The following NCALD variants were observed in gnomAD, a reference collection of about 807,000 sequenced individuals.
The protein encoded by NCALD is neurocalcin delta.
In NCALD, 10 loss-of-function variants were observed where a neutral mutation model predicts 18.6. That is an observed-to-expected ratio of 0.54 (90% CI 0.33 to 0.91). The LOEUF (loss-of-function observed/expected upper bound fraction) is 0.91, where lower values mean the gene tolerates loss of function less well. Ranked by LOEUF, NCALD falls within the 40% of genes least tolerant of loss-of-function variation. The probability of loss-of-function intolerance (pLI) is 0.03; values close to 1 mark genes in which losing one functional copy is unlikely to be tolerated. For synonymous variants in NCALD, 88 were observed against 87.4 expected, an observed-to-expected ratio of 1.01 and a Z score of -0.04; for missense variants, 184 against 247.6, an observed-to-expected ratio of 0.74 and a Z score of 1.72.
At chr8:101,831,633 T>C (rs1256567078) in intron 4 of NCALD, among the ~76,000 whole-genome samples, 1 of 152,146 alleles carries the variant, frequency 6.6e-6, no homozygotes, top group African/African-American at 2.4e-5. Context: ...CTCTTAACCT[T>C]TCCCATGTAC....
chr8:101,890,755 G>T (rs753723103), intron 3 of NCALD, among the ~76,000 whole-genome samples: 1 of 152,162 alleles, frequency 6.6e-6, no homozygotes, highest in African/African-American at 2.4e-5. Context: ...ATTTCTATTA[G>T]TTATAAATTA....
At chr8:102,005,921 C>T (rs1821689404) in intron 2 of NCALD, among the ~76,000 whole-genome samples, 1 of 151,470 alleles carries the variant, frequency 6.6e-6, no homozygotes, top group Non-Finnish European at 1.5e-5. Context: ...AGGAGATATA[C>T]CTAATGTAAA....
chr8:101,990,776 GA>G (rs1727379428), intron 2 of NCALD, among the ~76,000 whole-genome samples: 1 of 152,078 alleles, frequency 6.6e-6, no homozygotes, highest in African/African-American at 2.4e-5. Flanking sequence ...CATAAAAATG[GA>G]CTAATACAAC....
chr8:102,010,349 C>T (rs1586918896), intron 2 of NCALD, among the ~76,000 whole-genome samples: 2 of 152,296 alleles, frequency 1.3e-5, no homozygotes, highest in African/African-American at 4.8e-5. Context: ...ATAGTTGCTA[C>T]CCCCAACAGG....
chr8:101,882,391 T>A (rs1464443270), intron 4 of NCALD, among the ~76,000 whole-genome samples: 1 of 152,092 alleles, frequency 6.6e-6, no homozygotes, highest in Non-Finnish European at 1.5e-5. Context: ...TCTTTTCCCC[T>A]TCCACCATAG....
At chr8:101,863,178 T>A (rs1815616590) in intron 4 of NCALD, among the ~76,000 whole-genome samples, 1 of 152,084 alleles carries the variant, frequency 6.6e-6, no homozygotes, top group African/African-American at 2.4e-5. Flanking sequence ...CACCTCTCAT[T>A]CTCTTTCATC....
At chr8:102,090,229 G>A (rs1162445892) in intron 1 of NCALD, among the ~76,000 whole-genome samples, 2 of 152,170 alleles carry the variant, frequency 1.3e-5, no homozygotes, top group Non-Finnish European at 2.9e-5. Flanking sequence ...ATGACTTAGT[G>A]TATGTTATCA....
chr8:101,788,361 TG>T (rs1812315161), intron 1 of NCALD, among the ~76,000 whole-genome samples: 3 of 152,210 alleles, frequency 2.0e-5, no homozygotes, highest in African/African-American at 7.2e-5. Context: ...TCAATTAAAA[TG>T]TAGGCCACAA....
intron 4 of NCALD, among the ~76,000 whole-genome samples, chr8:101,881,096 T>G (rs1284954630): frequency 2.0e-5 from 3 of 152,066 alleles, no homozygotes; most frequent in Non-Finnish European, 2.9e-5. Context: ...TTAAGTGAGG[T>G]AAAAGATAAC....
At chr8:101,957,334 A>C (rs1586824295) in intron 2 of NCALD, among the ~76,000 whole-genome samples, 1 of 140,596 alleles carries the variant, frequency 7.1e-6, no homozygotes. Context: ...CCTTAATCTG[A>C]AGCCAAGCAG....
chr8:101,808,411 C>T (rs760967739), intron 4 of NCALD, among the ~76,000 whole-genome samples: 3 of 152,190 alleles, frequency 2.0e-5, no homozygotes, highest in Non-Finnish European at 4.4e-5. Context: ...CATGGCTGCC[C>T]TTCAGAGATC....
chr8:102,034,476 A>G (rs754374488), intron 1 of NCALD, among the ~76,000 whole-genome samples: 12 of 152,178 alleles, frequency 7.9e-5, no homozygotes, highest in Non-Finnish European at 1.5e-4. Context: ...AAAGGGGTGG[A>G]CTGTGCCTAA....
chr8:101,881,428 A>G (rs1272554603), intron 4 of NCALD, among the ~76,000 whole-genome samples: 1 of 152,228 alleles, frequency 6.6e-6, no homozygotes, highest in Non-Finnish European at 1.5e-5. Flanking sequence ...CCAGTATACT[A>G]TTATAATAAA....
At chr8:101,826,034 T>C (rs369774759) in intron 4 of NCALD, among the ~76,000 whole-genome samples, 3 of 152,168 alleles carry the variant, frequency 2.0e-5, no homozygotes, top group Non-Finnish European at 4.4e-5. Context: ...TCAAAGTTCA[T>C]TGAAAATATT....
intron 4 of NCALD, among the ~76,000 whole-genome samples, chr8:101,802,628 A>T (rs1378851392): frequency 2.6e-5 from 4 of 152,162 alleles, no homozygotes; most frequent in Non-Finnish European, 5.9e-5. Flanking sequence ...AAGTTTTAGT[A>T]GCCTGGAGAG....
At chr8:101,848,505 G>T (rs1212650398) in intron 4 of NCALD, among the ~76,000 whole-genome samples, 1 of 152,130 alleles carries the variant, frequency 6.6e-6, no homozygotes, top group Non-Finnish European at 1.5e-5. Flanking sequence ...AGACCTAAAA[G>T]TGTTTGATAC....
intron 1 of NCALD, among the ~76,000 whole-genome samples, chr8:102,048,990 GGAAGA>G (rs1448162030): frequency 6.6e-6 from 1 of 152,174 alleles, no homozygotes; most frequent in Non-Finnish European, 1.5e-5. Flanking sequence ...CAATTCCATA[GGAAGA>G]GAAAAGGAAA....
At chr8:101,800,419 G>GA (rs1239888039) in intron 4 of NCALD, among the ~76,000 whole-genome samples, 1 of 150,792 alleles carries the variant, frequency 6.6e-6, no homozygotes. Context: ...TAATAGAGGA[G>GA]AAAAAATAAT....
intron 4 of NCALD, among the ~76,000 whole-genome samples, chr8:101,877,923 G>C (rs1204366041): frequency 2.0e-5 from 3 of 152,144 alleles, no homozygotes; most frequent in African/African-American, 7.2e-5. Context: ...ATCTGTATTT[G>C]TATTACGTAT....
Sources: gnomAD v4.1 joint callset for allele counts (sites outside exome capture counted in the v4.1 genomes callset) on GRCh38, gnomAD v4.1.1 for gene constraint, MANE v1.5 for transcripts, NCBI Gene and HGNC (gene_info 2026-07-23, HGNC 2026-07-21) for gene names.